The following CNTN5 variants were observed in gnomAD, a reference collection of about 807,000 sequenced individuals.
The protein encoded by CNTN5 is contactin 5.
In CNTN5, 77 loss-of-function variants were observed where a neutral mutation model predicts 129.1. That is an observed-to-expected ratio of 0.60 (90% CI 0.50 to 0.72). The LOEUF (loss-of-function observed/expected upper bound fraction) is 0.72, where lower values mean the gene tolerates loss of function less well. Among genes scored for constraint, CNTN5 ranks in the 30% least tolerant of loss-of-function variants. The pLI is 0.00. For synonymous variants in CNTN5, 509 were observed against 465.6 expected (o/e 1.09, Z -1.20); for missense variants, 1,478 against 1,328.8 (o/e 1.11, Z -1.75).
chr11:100,003,347 T>C (rs184945400), intron 9 of CNTN5, among the ~76,000 whole-genome samples: 2 of 152,262 alleles, frequency 1.3e-5, no homozygotes, highest in African/African-American at 4.8e-5. Flanking sequence ...GCGCATAAGA[T>C]TGAATAATAG....
intron 8 of CNTN5, among the ~76,000 whole-genome samples, chr11:99,971,817 T>A (rs1300013927): frequency 6.6e-6 from 1 of 151,628 alleles, no homozygotes; most frequent in Non-Finnish European, 1.5e-5. Flanking sequence ...TAAACATTTT[T>A]AAATTATAAT....
chr11:100,038,081 T>C (rs1394003019), intron 9 of CNTN5, among the ~76,000 whole-genome samples: 2 of 152,198 alleles, frequency 1.3e-5, no homozygotes, highest in Non-Finnish European at 2.9e-5. Flanking sequence ...TTTAGATCTT[T>C]CCTGCTTTCT....
chr11:99,565,277 G>A (rs969667050), intron 3 of CNTN5, among the ~76,000 whole-genome samples: 4 of 152,030 alleles, frequency 2.6e-5, no homozygotes, highest in African/African-American at 9.7e-5. Context: ...TCTGACTGAG[G>A]AAATTTCTTC....
At chr11:99,861,790 G>T (rs1948215344) in intron 6 of CNTN5, among the ~76,000 whole-genome samples, 1 of 152,144 alleles carries the variant, frequency 6.6e-6, no homozygotes, top group African/African-American at 2.4e-5. Context: ...CACCTTAAAA[G>T]AAGGCTTACC....
intron 3 of CNTN5, among the ~76,000 whole-genome samples, chr11:99,784,776 T>C (rs1261649146): frequency 6.7e-6 from 1 of 149,542 alleles, no homozygotes; most frequent in Admixed American, 6.7e-5. Flanking sequence ...CTAACTGGTG[T>C]GAGATGGTAT....
chr11:99,067,777 T>A (rs1322591159), intron 1 of CNTN5, among the ~76,000 whole-genome samples: 1 of 152,184 alleles, frequency 6.6e-6, no homozygotes, highest in Non-Finnish European at 1.5e-5. Flanking sequence ...ATTCTATGAC[T>A]CATTTATTAA....
At chr11:99,586,945 A>G (rs1291258737) in intron 3 of CNTN5, among the ~76,000 whole-genome samples, 1 of 152,260 alleles carries the variant, frequency 6.6e-6, no homozygotes, top group Non-Finnish European at 1.5e-5. Flanking sequence ...GCAGAGAATC[A>G]TCAACAATAG....
intron 20 of CNTN5, among the ~76,000 whole-genome samples, chr11:100,300,794 A>C (rs920395729): frequency 1.3e-5 from 2 of 151,588 alleles, no homozygotes; most frequent in African/African-American, 4.8e-5. Flanking sequence ...ATGAGATACC[A>C]ATTGCACTTA....
intron 15 of CNTN5, among the ~76,000 whole-genome samples, chr11:100,206,269 G>A (rs1346958226): frequency 1.3e-5 from 2 of 151,994 alleles, no homozygotes; most frequent in African/African-American, 4.8e-5. Context: ...TAGAGGGTGA[G>A]CATGATGAAA....
chr11:99,523,589 C>A (rs910367911), intron 2 of CNTN5, among the ~76,000 whole-genome samples: 3 of 146,390 alleles, frequency 2.0e-5, no homozygotes, highest in Non-Finnish European at 4.5e-5. Flanking sequence ...GACCCCATCT[C>A]AAAGAAAGAT....
intron 1 of CNTN5, among the ~76,000 whole-genome samples, chr11:99,200,193 C>A (rs1483333408): frequency 6.6e-6 from 1 of 152,110 alleles, no homozygotes; most frequent in Non-Finnish European, 1.5e-5. Flanking sequence ...CACCATATTA[C>A]CATTAGCTAT....
intron 3 of CNTN5, among the ~76,000 whole-genome samples, chr11:99,712,924 CT>C (rs1370016025): frequency 3.3e-5 from 5 of 151,976 alleles, no homozygotes; most frequent in Non-Finnish European, 7.4e-5. Context: ...ATGTCTCCAG[CT>C]TTTTCTTTTT....
intron 7 of CNTN5, among the ~76,000 whole-genome samples, chr11:99,933,954 A>G (rs979238242): frequency 1.1e-4 from 17 of 152,230 alleles, no homozygotes; most frequent in African/African-American, 3.9e-4. Context: ...CATTTTCTCC[A>G]TGAAAGTAAC....
chr11:99,981,103 T>TATATATAC (rs1014330113), intron 8 of CNTN5, among the ~76,000 whole-genome samples: 1 of 54,500 alleles, frequency 1.8e-5, no homozygotes, highest in South Asian at 4.9e-4. Flanking sequence ...TATATATATA[T>TATATATAC]ACACACACAC....
intron 1 of CNTN5, among the ~76,000 whole-genome samples, chr11:99,126,351 G>C (rs993499616): frequency 6.6e-6 from 1 of 152,088 alleles, no homozygotes. Context: ...TCTGTTGAAG[G>C]AGCTCTATTG....
At chr11:99,906,505 G>T (rs915760507) in intron 6 of CNTN5, among the ~76,000 whole-genome samples, 1 of 151,626 alleles carries the variant, frequency 6.6e-6, no homozygotes, top group Non-Finnish European at 1.5e-5. Flanking sequence ...CTGATAAGCT[G>T]GTGGTGGATA....
chr11:99,749,650 A>G (rs1339416517), intron 3 of CNTN5, among the ~76,000 whole-genome samples: 1 of 152,252 alleles, frequency 6.6e-6, no homozygotes, highest in Admixed American at 6.5e-5. Context: ...TGAATGTAAA[A>G]TGCTATCTGA....
chr11:99,991,696 C>T (rs1443694883), intron 8 of CNTN5, among the ~76,000 whole-genome samples: 1 of 152,158 alleles, frequency 6.6e-6, no homozygotes, highest in Non-Finnish European at 1.5e-5. Context: ...CAATAGCAAA[C>T]TACTTCCCTC....
intron 2 of CNTN5, among the ~76,000 whole-genome samples, chr11:99,461,091 A>T (rs1042431412): frequency 2.0e-5 from 3 of 152,158 alleles, no homozygotes; most frequent in Non-Finnish European, 4.4e-5. Flanking sequence ...CTTAATAATT[A>T]TCTGAGTAAA....
Sources: allele counts gnomAD v4.1 joint callset (sites outside exome capture counted in the v4.1 genomes callset), GRCh38; gene constraint gnomAD v4.1.1; transcripts MANE v1.5; gene names NCBI Gene and HGNC (gene_info 2026-07-23, HGNC 2026-07-21).